Variants in TSHR observed in about 807,000 individuals in gnomAD.
The protein encoded by TSHR is thyrotropin receptor.
In TSHR, 51 loss-of-function variants were observed where a neutral mutation model predicts 64.1. The observed-to-expected ratio is 0.80, with a 90% confidence interval of 0.64 to 1.01. The LOEUF (loss-of-function observed/expected upper bound fraction) is 1.01. Among genes scored for constraint, TSHR ranks in the 50% least tolerant of loss-of-function variants. The pLI is 0.00. For missense variants in TSHR, 877 were observed against 942.8 expected, an observed-to-expected ratio of 0.93 and a Z score of 0.91; for synonymous variants, 361 against 361.9, an observed-to-expected ratio of 1.00 and a Z score of 0.03.
intron 1 of TSHR, chr14:80,992,184 G>C (rs1401279568): frequency 6.6e-6 from 1 of 152,034 alleles, no homozygotes; most frequent in Non-Finnish European, 1.5e-5. Context: ...GGCAGATCAC[G>C]AGGTCAAGAG....
intron 1 of TSHR, chr14:81,033,031 C>T (rs932158188): frequency 6.5e-5 from 23 of 356,474 alleles, no homozygotes; most frequent in South Asian, 2.5e-4. Context: ...CTTTGGTGTT[C>T]CCAATTTCTG....
chr14:80,992,748 C>G (rs1888805509), intron 1 of TSHR: 1 of 152,172 alleles, frequency 6.6e-6, no homozygotes, highest in Non-Finnish European at 1.5e-5. Context: ...ACATTTGACT[C>G]TAAATAATAA....
In TSHR at chr14:80,961,584, T is replaced by G. The variant is rs561681149; in HGVS notation, c.170+5734T>G. On this transcript the variant is annotated intron_variant, in intron 1 of 9. Coordinates refer to ENST00000298171, the MANE Select transcript of TSHR (RefSeq NM_000369.5). Reference sequence around the variant, plus strand: ...TGAACATATTAATGGACAATAAAATTTGTTACTACTCCCTTCATAACTCAG... The same window carrying G: ...TGAACATATTAATGGACAATAAAATGTGTTACTACTCCCTTCATAACTCAG... Among the ~76,000 whole-genome samples the G allele has an allele frequency of 2.4e-4, 36 of 152,266 alleles. No homozygotes were observed. The South Asian group carries it at 6.4e-3, about 27-fold the overall frequency.
At chr14:81,077,250 C>T (rs1421947717) in intron 3 of TSHR, among the ~76,000 whole-genome samples, 3 of 152,102 alleles carry the variant, frequency 2.0e-5, no homozygotes, top group Non-Finnish European at 4.4e-5. Flanking sequence ...GCTTTGTGTG[C>T]CATTCACTTA....
intron 8 of TSHR, 33 bp from the exon 9 acceptor site, chr14:81,139,646 C>T: frequency 1.2e-6 from 2 of 1,612,422 alleles, no homozygotes; most frequent in Middle Eastern, 1.9e-4. Context: ...CTGCTCACTG[C>T]CTCTCTGCAT....
At chr14:80,975,619 A>G (rs571448809) in intron 1 of TSHR, among the ~76,000 whole-genome samples, 21 of 152,252 alleles carry the variant, frequency 1.4e-4, no homozygotes, top group African/African-American at 5.1e-4. Context: ...GCTTGGTGCA[A>G]TCTGGCTTTT....
intron 1 of TSHR, among the ~76,000 whole-genome samples, chr14:80,978,594 T>C (rs1032169578): frequency 6.6e-6 from 1 of 152,212 alleles, no homozygotes; most frequent in Non-Finnish European, 1.5e-5. Context: ...ACCACTGCCA[T>C]GCTCAGCCCT....
At chr14:81,027,610 C>T (rs1566769953) in intron 1 of TSHR, among the ~76,000 whole-genome samples, 1 of 151,970 alleles carries the variant, frequency 6.6e-6, no homozygotes, top group Admixed American at 6.6e-5. Context: ...CCAGACACAC[C>T]AGGCTTGTTT....
At position 81,144,108 on chromosome 14, in the gene TSHR, G is replaced by C. The variant is rs267604071; in HGVS notation, c.2050G>C (p.Ala684Pro). 1.9e-6 allele frequency: 3 copies of C among 1,614,038 alleles called. No homozygotes were observed. The highest frequency in any genetic ancestry group is 1.7e-5 in the Admixed American group (1 of 60,006). Residue 684 changes from alanine (A) to proline (P), a missense_variant, in exon 10 of 10, where the codon GCC becomes CCC. By Grantham distance (27) the Ala-to-Pro change is conservative (BLOSUM62 -1). Coordinates refer to ENST00000298171, the MANE Select transcript of TSHR (RefSeq NM_000369.5). ...ATTCCTCTATGCTATTTTCACCAAG[G>C]CCTTCCAGAGGGATGTGTTCATCCT... ...NPFLYAIFTK[A>P]FQRDVFILLS...
chr14:81,067,192 A>G (rs950777320), intron 2 of TSHR, among the ~76,000 whole-genome samples: 6 of 152,070 alleles, frequency 3.9e-5, no homozygotes, highest in African/African-American at 1.2e-4. Context: ...TTGAAACTAC[A>G]TGTCTAATTC....
rs746088246 is a variant in TSHR, at chr14:81,143,250, T to G, written c.1192T>G (p.Cys398Gly). 3.8e-5 allele frequency: 62 copies of G among 1,614,090 alleles called. No individual in the cohort carries two copies. Among genetic ancestry groups the G allele is most frequent in the Non-Finnish European group, 1.4e-5 (16 of 1,180,054 alleles). The change falls in exon 10 of 10, where the codon TGT (cysteine) becomes GGT (glycine). Residue 398 changes from cysteine (C) to glycine (G), a missense_variant. Transcript: ENST00000298171. ...ATGTGGGGACAGTGAAGACATGGTG[T>G]GTACCCCCAAGTCCGATGAGTTCAA... ...TICGDSEDMVCTPKSDEFNPC... is the reference protein window; with the variant it reads ...TICGDSEDMVGTPKSDEFNPC...
In TSHR at chr14:81,066,944, G is replaced by A. The variant is rs558082713; in HGVS notation, c.243-1310G>A. 4.7e-4 allele frequency among the ~76,000 whole-genome samples: 72 copies of A among 152,274 alleles called. 2 individuals carry two copies. The South Asian group carries it at 0.015, about 31-fold the overall frequency. On this transcript the variant is annotated intron_variant, in intron 2 of 9. Coordinates refer to ENST00000298171, the MANE Select transcript of TSHR (RefSeq NM_000369.5). ...CATTAGTCATTCTCATTACAAGATGGAATTTGAGGAAACTATTTGAAATAT... is the reference window on the plus strand; with the variant it reads ...CATTAGTCATTCTCATTACAAGATGAAATTTGAGGAAACTATTTGAAATAT...
intron 1 of TSHR, among the ~76,000 whole-genome samples, chr14:81,021,338 A>G (rs1300094078): frequency 3.3e-5 from 5 of 152,052 alleles, no homozygotes; most frequent in Non-Finnish European, 7.4e-5. Flanking sequence ...ATTAATTACT[A>G]TTCCACTGAA....
At chr14:81,064,817 G>T (rs1886491671) in intron 2 of TSHR, among the ~76,000 whole-genome samples, 1 of 151,982 alleles carries the variant, frequency 6.6e-6, no homozygotes, top group African/African-American at 2.4e-5. Flanking sequence ...TCCGCAGAGA[G>T]GGAGAAGCTA....
At chr14:81,021,244 G>A (rs1481630075) in intron 1 of TSHR, among the ~76,000 whole-genome samples, 2 of 152,054 alleles carry the variant, frequency 1.3e-5, no homozygotes, top group Non-Finnish European at 2.9e-5. Context: ...GCTCTAGAAT[G>A]TCCCCCTTGG....
Position 81,068,785 on chromosome 14 carries a change from C to T in TSHR, c.317+457C>T, listed in dbSNP as rs75163525. Among the ~76,000 whole-genome samples the T allele has an allele frequency of 4.4e-3, 667 of 152,216 alleles. 7 individuals carry two copies. Among genetic ancestry groups the T allele is most frequent in the African/African-American group, 0.015 (641 of 41,554 alleles). The stretch of plus-strand genomic sequence containing the variant: ...GTTGGTCAGAGTTGGATTTGAACAC[C>T]GGCATCTCTGCCTACTCATTATCTA... On this transcript the variant is annotated intron_variant, in intron 3 of 9. Coordinates refer to ENST00000298171, the MANE Select transcript of TSHR (RefSeq NM_000369.5).
At chr14:80,985,337 CTCCTATGTG>C (rs1359528360) in intron 1 of TSHR, among the ~76,000 whole-genome samples, 1 of 152,230 alleles carries the variant, frequency 6.6e-6, no homozygotes, top group East Asian at 1.9e-4. Context: ...GTGATTTATT[CTCCTATGTG>C]TCCTATGAAA....
At chr14:80,958,026 A>G (rs1012460940) in intron 1 of TSHR, 2 of 152,244 alleles carry the variant, frequency 1.3e-5, no homozygotes. Flanking sequence ...GTAAAACAAA[A>G]TGGTAGTCTC....
chr14:81,049,181 G>A (rs1359870495), intron 1 of TSHR, among the ~76,000 whole-genome samples: 3 of 151,954 alleles, frequency 2.0e-5, no homozygotes, highest in Admixed American at 2.0e-4. Flanking sequence ...AAAATGTTTG[G>A]CTCCCACATT....
Sources: gnomAD v4.1 joint callset for allele counts (sites outside exome capture counted in the v4.1 genomes callset) on GRCh38, gnomAD v4.1.1 for gene constraint, MANE v1.5 for transcripts, NCBI Gene and HGNC (gene_info 2026-07-23, HGNC 2026-07-21) for gene names.